The following PTPRD variants were observed in gnomAD, a reference collection of about 807,000 sequenced individuals.
PTPRD encodes the protein receptor-type tyrosine-protein phosphatase delta.
In PTPRD, 34 loss-of-function variants were observed where a neutral mutation model predicts 214.5. The ratio of observed to expected loss-of-function variants is 0.16; its 90% CI spans 0.12 to 0.21. The LOEUF (loss-of-function observed/expected upper bound fraction) is 0.21. Among genes scored for constraint, PTPRD ranks in the 10% least tolerant of loss-of-function variants. The probability of loss-of-function intolerance (pLI) is 1.00; values close to 1 mark genes in which losing one functional copy is unlikely to be tolerated. For synonymous variants in PTPRD, 1,128 were observed against 845.7 expected (o/e 1.33, Z -5.79); for missense variants, 2,545 against 2,398.7 (o/e 1.06, Z -1.27).
intron 11 of PTPRD, among the ~76,000 whole-genome samples, chr9:8,828,535 C>G (rs1243544644): frequency 6.6e-6 from 1 of 152,094 alleles, no homozygotes; most frequent in Non-Finnish European, 1.5e-5. Context: ...GCCACCCTAT[C>G]TAGGATATTT....
intron 3 of PTPRD, among the ~76,000 whole-genome samples, chr9:10,171,556 G>A (rs2099206061): frequency 6.6e-6 from 1 of 151,842 alleles, no homozygotes. Flanking sequence ...ACAGACTCTC[G>A]CTCTGTCTCC....
At chr9:9,498,796 G>C (rs545626027) in intron 8 of PTPRD, among the ~76,000 whole-genome samples, 1 of 152,074 alleles carries the variant, frequency 6.6e-6, no homozygotes, top group Non-Finnish European at 1.5e-5. Flanking sequence ...GACAGGAAAT[G>C]ATCTGTGATA....
intron 9 of PTPRD, among the ~76,000 whole-genome samples, chr9:9,270,807 T>C (rs934719033): frequency 2.0e-5 from 3 of 151,160 alleles, no homozygotes; most frequent in Non-Finnish European, 4.4e-5. Context: ...GCAGAAAAGG[T>C]GGAGAAAAGT....
At chr9:10,282,054 T>A (rs962878795) in intron 3 of PTPRD, among the ~76,000 whole-genome samples, 2 of 150,756 alleles carry the variant, frequency 1.3e-5, no homozygotes, top group African/African-American at 4.9e-5. Flanking sequence ...AATTTTCCAA[T>A]AGATAATTTT....
chr9:10,499,352 C>A (rs1164546088), intron 2 of PTPRD, among the ~76,000 whole-genome samples: 2 of 151,884 alleles, frequency 1.3e-5, no homozygotes, highest in African/African-American at 4.8e-5. Context: ...CCTTACTAAA[C>A]TCGATAGATT....
At chr9:8,507,502 C>T (rs186924057) in intron 21 of PTPRD, 68 bp from the exon 22 acceptor site, 221 of 1,590,834 alleles carry the variant, frequency 1.4e-4, no homozygotes, top group Middle Eastern at 1.7e-4. Flanking sequence ...CTTCCATTAG[C>T]GTAACCTGCT....
intron 8 of PTPRD, among the ~76,000 whole-genome samples, chr9:9,422,126 C>T (rs4271025): frequency 0.8 from 122,229 of 152,016 alleles, 49,266 homozygotes; most frequent in Non-Finnish European, 0.81. Flanking sequence ...TGGTACTACA[C>T]TAAGAGCTTT....
At chr9:9,495,198 T>C (rs1054953630) in intron 8 of PTPRD, among the ~76,000 whole-genome samples, 2 of 150,904 alleles carry the variant, frequency 1.3e-5, no homozygotes, top group African/African-American at 4.9e-5. Flanking sequence ...CCTAAATCTA[T>C]ACAACTCAGA....
chr9:9,686,472 A>T lies in PTPRD; in HGVS notation c.-287+48061T>A, dbSNP rs185478723. 2.6e-4 allele frequency among the ~76,000 whole-genome samples: 39 copies of T among 151,446 alleles called. No homozygotes were observed. In the East Asian group the frequency reaches 7.2e-3, roughly 28 times the overall value. On this transcript the variant is annotated intron_variant, in intron 7 of 45. Transcript: ENST00000381196. Reference sequence around the variant, plus strand: ...AATAGATAATACATTATATAATATTAATAATTTATAGATCATTATTCTATG... The same window carrying T: ...AATAGATAATACATTATATAATATTTATAATTTATAGATCATTATTCTATG...
At chr9:8,508,873 ATATGTGTGTGTGTGTGTCTGTGTGTG>A (rs1332992571) in intron 21 of PTPRD, among the ~76,000 whole-genome samples, 3 of 96,480 alleles carry the variant, frequency 3.1e-5, no homozygotes, top group East Asian at 7.3e-4. Context: ...CTGTGTATAT[ATATGTGTGTGTGTGTGTCTGTGTGTG>A]TGTGTGTGTG....
intron 3 of PTPRD, among the ~76,000 whole-genome samples, chr9:10,034,382 C>G (rs1164586534): frequency 6.7e-6 from 1 of 148,260 alleles, no homozygotes; most frequent in African/African-American, 2.5e-5. Context: ...CTTCTTCTCG[C>G]ACTCTGTCTC....
At position 8,733,846 on chromosome 9, in the gene PTPRD, T is replaced by C. The variant is rs1256979733; in HGVS notation, c.-3A>G. 6.4e-7 allele frequency: 1 copy of C among 1,551,142 alleles called. No individual in the cohort carries two copies. The highest frequency in any genetic ancestry group is 8.7e-7 in the Non-Finnish European group (1 of 1,147,086). ...AGCAGCCTGGCTACGTGCACCATCC[T>C]GCAGCTTGGCAGCAGCGTGCGCGAG... On this transcript the variant is annotated 5_prime_UTR_variant, in exon 12 of 46. Coordinates refer to ENST00000381196, the MANE Select transcript of PTPRD (RefSeq NM_002839.4).
chr9:8,387,711 G>A (rs973277121), intron 37 of PTPRD, among the ~76,000 whole-genome samples: 2 of 152,140 alleles, frequency 1.3e-5, no homozygotes, highest in African/African-American at 4.8e-5. Flanking sequence ...AATGACCTTG[G>A]GCAAAGCTTC....
At chr9:8,582,877 T>C (rs1467213864) in intron 14 of PTPRD, among the ~76,000 whole-genome samples, 2 of 152,156 alleles carry the variant, frequency 1.3e-5, no homozygotes, top group Non-Finnish European at 2.9e-5. Context: ...ATTCAGCAAT[T>C]GGATGTTAAG....
At chr9:8,784,037 G>T (rs2095844106) in intron 11 of PTPRD, among the ~76,000 whole-genome samples, 1 of 152,128 alleles carries the variant, frequency 6.6e-6, no homozygotes, top group Non-Finnish European at 1.5e-5. Context: ...TATTGGAGCT[G>T]TGAAACAATG....
At chr9:9,269,629 A>G (rs1941934651) in intron 9 of PTPRD, among the ~76,000 whole-genome samples, 1 of 151,404 alleles carries the variant, frequency 6.6e-6, no homozygotes, top group African/African-American at 2.4e-5. Context: ...TGTATAAAGA[A>G]AATGTGGTCG....
intron 9 of PTPRD, among the ~76,000 whole-genome samples, chr9:9,195,022 A>ATG (rs35104691): frequency 0.23 from 33,950 of 149,018 alleles, 4,338 homozygotes; most frequent in Non-Finnish European, 0.29. Flanking sequence ...TATGGTATAT[A>ATG]TGTGTGTGTG....
intron 2 of PTPRD, among the ~76,000 whole-genome samples, chr9:10,449,571 C>T (rs113836822): frequency 0.021 from 3,171 of 150,548 alleles, 111 homozygotes; most frequent in African/African-American, 0.066. Context: ...TCTGCCCGGC[C>T]GCCATCCCGT....
At chr9:10,334,974 C>A (rs905673570) in intron 3 of PTPRD, among the ~76,000 whole-genome samples, 2 of 151,606 alleles carry the variant, frequency 1.3e-5, no homozygotes, top group Admixed American at 6.6e-5. Context: ...ATTCCATGTT[C>A]AAGAACAAGA....
Sources: gnomAD v4.1 joint callset for allele counts (sites outside exome capture counted in the v4.1 genomes callset) on GRCh38, gnomAD v4.1.1 for gene constraint, MANE v1.5 for transcripts, NCBI Gene and HGNC (gene_info 2026-07-23, HGNC 2026-07-21) for gene names.